Variants in TCF3 observed in about 807,000 individuals in gnomAD.
TCF3 encodes transcription factor E2-alpha.
Under a neutral mutation model 72.3 loss-of-function variants are expected in TCF3, and 54 were observed. That is an observed-to-expected ratio of 0.75 (90% CI 0.60 to 0.94). The LOEUF (loss-of-function observed/expected upper bound fraction) is 0.94. Ranked by LOEUF, TCF3 falls within the 40% of genes least tolerant of loss-of-function variation. TCF3 has a pLI of 0.00. For missense variants in TCF3, 1,078 were observed against 934.4 expected (o/e 1.15, Z -2.00); for synonymous variants, 525 against 412.6 (o/e 1.27, Z -3.30).
At chr19:1,631,458 G>A (rs527793847) in intron 5 of TCF3, among the ~76,000 whole-genome samples, 121 of 152,058 alleles carry the variant, frequency 8.0e-4, no homozygotes, top group African/African-American at 2.7e-3. Context: ...TGGTAGAAGC[G>A]GGGTTTCACC....
rs1285249306 is a variant in TCF3 at position 1,610,060 on chromosome 19, C to G, written c.*1647G>C. 4.3e-6 allele frequency: 1 copy of G among 232,654 alleles called. No homozygotes were observed. Among genetic ancestry groups the G allele is most frequent in the Non-Finnish European group, 8.5e-6 (1 of 117,774 alleles). 14.4% of individuals were successfully genotyped at this position (232,654 alleles called of 1,614,324 possible). ...CTGGATGGGATCCCAGGGTAGGAGACTTGCAGTTTTAAACCCAAGACAGTC... is the reference window on the plus strand; with the variant it reads ...CTGGATGGGATCCCAGGGTAGGAGAGTTGCAGTTTTAAACCCAAGACAGTC... On this transcript the variant is annotated 3_prime_UTR_variant, in exon 19 of 19. Coordinates refer to ENST00000262965, the MANE Select transcript of TCF3 (RefSeq NM_003200.5).
At chr19:1,613,244 C>G (rs1301767949) in intron 18 of TCF3, among the ~76,000 whole-genome samples, 1 of 152,138 alleles carries the variant, frequency 6.6e-6, no homozygotes, top group Non-Finnish European at 1.5e-5. Context: ...CATGGTGGGG[C>G]GCCTGTGTGT....
Position 1,614,580 on chromosome 19 carries a change from CGG to C in TCF3, c.1822+703_1822+704del, listed in dbSNP as rs2145824499. Among the ~76,000 whole-genome samples, 1 of 152,144 alleles carries C rather than the reference CGG, an allele frequency of 6.6e-6. No individual in the cohort carries two copies. Among genetic ancestry groups the C allele is most frequent in the East Asian group, 1.9e-4 (1 of 5,174 alleles). The stretch of plus-strand genomic sequence containing the variant: ...AGAGCTGAGGGGATAGCGTGTGGGC[CGG>C]GCCGGGGCTCTGGCTCCGGTCCCAG... On this transcript the variant is annotated intron_variant, in intron 18 of 18. Coordinates refer to ENST00000262965, the MANE Select transcript of TCF3 (RefSeq NM_003200.5). The surrounding 1 kb of genome is among the most constrained non-coding windows in gnomAD (Gnocchi z 5.6).
chr19:1,627,140 G>A (rs1235330489), intron 6 of TCF3, among the ~76,000 whole-genome samples: 2 of 152,216 alleles, frequency 1.3e-5, no homozygotes, highest in African/African-American at 4.8e-5. Context: ...AGCTAAGCAT[G>A]GCAGCCCTGC....
intron 1 of TCF3, chr19:1,650,940 GA>G (rs886568842): frequency 9.1e-6 from 2 of 219,288 alleles, no homozygotes; most frequent in Non-Finnish European, 1.8e-5. Context: ...CTCCCCCCAA[GA>G]AAACCCCAAC....
At chr19:1,619,961 G>C (rs1035275893) in intron 13 of TCF3, 108 bp from the exon 14 acceptor site, 2 of 992,568 alleles carry the variant, frequency 2.0e-6, no homozygotes, top group Non-Finnish European at 3.0e-6. Context: ...AGCCTCCGGT[G>C]ATGCCCAAGA....
Position 1,632,049 on chromosome 19 carries a change from G to C in TCF3, c.287C>G (p.Pro96Arg). The C allele has an allele frequency of 1.2e-6, 2 of 1,613,196 alleles. No homozygotes were observed. The highest frequency in any genetic ancestry group is 1.7e-6 in the Non-Finnish European group (2 of 1,179,726). ...SSLSSSTFLG[P>R]GLGGKSGERG... ...GGCCAGGCACTCACCTCCGAGTCCC[G>C]GTCCCAGGAATGTGGATGAAGAGAG... is the stretch of plus-strand genomic sequence containing the variant. Residue 96 changes from proline (P) to arginine (R), a missense_variant, in exon 5 of 19, where the codon CCG (proline) becomes CGG (arginine). Coordinates refer to ENST00000262965, the MANE Select transcript of TCF3 (RefSeq NM_003200.5).
intron 13 of TCF3, among the ~76,000 whole-genome samples, chr19:1,620,474 G>C (rs1173300466): frequency 6.6e-6 from 1 of 152,200 alleles, no homozygotes; most frequent in Admixed American, 6.5e-5. Context: ...CAGTGGGTGA[G>C]CAAATGGCAA....
Position 1,615,489 on chromosome 19 carries a change from G to A in TCF3, c.1618C>T (p.Pro540Ser). ...TTCTCCCGCTCGGCCTTCTGCTCTGGGGGGAGAAGGTCGTCCTCGTCCTCG... is the reference window on the plus strand; with the variant it reads ...TTCTCCCGCTCGGCCTTCTGCTCTGAGGGGAGAAGGTCGTCCTCGTCCTCG... ...PDEDEDDLLP[P>S]EQKAEREKER... The change falls in exon 18 of 19, where the codon CCA (proline) becomes TCA (serine). Residue 540 changes from proline to serine, a missense_variant. Coordinates refer to ENST00000262965, the MANE Select transcript of TCF3 (RefSeq NM_003200.5). The surrounding 1 kb of genome is among the most constrained non-coding windows in gnomAD (Gnocchi z 7.3). 6.2e-7 allele frequency: 1 copy of A among 1,610,772 alleles called. No homozygotes were observed. The highest frequency in any genetic ancestry group is 8.5e-7 in the Non-Finnish European group (1 of 1,179,852).
intron 3 of TCF3, among the ~76,000 whole-genome samples, chr19:1,643,966 C>T (rs955857630): frequency 2.0e-5 from 3 of 152,316 alleles, no homozygotes; most frequent in Non-Finnish European, 2.9e-5. Flanking sequence ...CGAAGGGTGG[C>T]GTCCCCGAAG....
At chr19:1,612,506 G>T in intron 18 of TCF3, 1 of 1,413,896 alleles carries the variant, frequency 7.1e-7, no homozygotes, top group Non-Finnish European at 9.8e-7. Context: ...GGGTTGTGGA[G>T]AGGGTATCCA....
At chr19:1,641,879 C>T (rs2065293183) in intron 3 of TCF3, among the ~76,000 whole-genome samples, 1 of 152,010 alleles carries the variant, frequency 6.6e-6, no homozygotes, top group Non-Finnish European at 1.5e-5. Flanking sequence ...CCAGTGTGAG[C>T]CGCTGACCCA....
chr19:1,621,406 T>A (rs1274289815), intron 11 of TCF3, among the ~76,000 whole-genome samples: 2 of 151,876 alleles, frequency 1.3e-5, no homozygotes, highest in African/African-American at 4.8e-5. Flanking sequence ...GGTGGGTGAG[T>A]CCCCTTCTGG....
At chr19:1,645,286 G>A (rs376710335) in intron 3 of TCF3, among the ~76,000 whole-genome samples, 80 of 152,062 alleles carry the variant, frequency 5.3e-4, no homozygotes, top group Middle Eastern at 3.4e-3. Context: ...CCCACTCCCC[G>A]GAAAGATGCT....
chr19:1,651,696 T>TC (rs1170317508), intron 1 of TCF3, among the ~76,000 whole-genome samples: 2 of 148,960 alleles, frequency 1.3e-5, no homozygotes, highest in African/African-American at 2.5e-5. Context: ...CGGACCCCCC[T>TC]CCCCCCGCAG....
rs912192405 is a variant in TCF3 at position 1,615,146 on chromosome 19, A to G, written c.1822+139T>C. The G allele has an allele frequency of 4.9e-6, 5 of 1,028,328 alleles. No individual in the cohort carries two copies. The highest frequency in any genetic ancestry group is 6.9e-6 in the Non-Finnish European group (5 of 726,006). The allele number at this position is 1,028,328 out of a possible 1,614,324, so 63.7% of individuals were successfully genotyped here. On this transcript the variant is annotated intron_variant, in intron 18 of 18. Coordinates refer to ENST00000262965, the MANE Select transcript of TCF3 (RefSeq NM_003200.5). This position sits in a 1 kb window ranked among gnomAD's most constrained non-coding sequence, Gnocchi z 7.3. ...CATGGCAATGCGGTCAGAGGGGTGA[A>G]GGGCACAGTCACTGCAAGGAGGCAA... is the stretch of plus-strand genomic sequence containing the variant.
At chr19:1,625,545 GCC>G in intron 7 of TCF3, 29 bp downstream of exon 7, 1 of 1,533,556 alleles carries the variant, frequency 6.5e-7, no homozygotes. Flanking sequence ...CCTCCCAGAA[GCC>G]CCCGATGCCC....
chr19:1,614,252 G>A lies in TCF3; in HGVS notation c.1822+1033C>T, dbSNP rs183598592. Among the ~76,000 whole-genome samples the A allele has an allele frequency of 1.3e-5, 2 of 152,342 alleles. No individual in the cohort carries two copies. Among genetic ancestry groups the A allele is most frequent in the Non-Finnish European group, 2.9e-5 (2 of 68,018 alleles). Reference sequence around the variant, plus strand: ...CTGAGGGGATCCCTCCAGGTGGTGGGGGCGGCCCCTGGAGCCCAGGACAAG... The same window carrying A: ...CTGAGGGGATCCCTCCAGGTGGTGGAGGCGGCCCCTGGAGCCCAGGACAAG... On this transcript the variant is annotated intron_variant, in intron 18 of 18. Transcript: ENST00000262965. This position sits in a 1 kb window ranked among gnomAD's most constrained non-coding sequence, Gnocchi z 5.6.
At chr19:1,636,318 C>T (rs928496525) in intron 3 of TCF3, among the ~76,000 whole-genome samples, 4 of 152,114 alleles carry the variant, frequency 2.6e-5, no homozygotes, top group South Asian at 2.1e-4. Flanking sequence ...TGCCACCACG[C>T]ACAGCTAATT....
Sources: gnomAD v4.1 joint callset for allele counts (sites outside exome capture counted in the v4.1 genomes callset) on GRCh38, gnomAD v4.1.1 for gene constraint, Gnocchi (gnomAD v3.1) non-coding constraint, MANE v1.5 for transcripts, NCBI Gene and HGNC (gene_info 2026-07-23, HGNC 2026-07-21) for gene names.